The following ADCY5 variants were observed in gnomAD, a reference collection of about 807,000 sequenced individuals.
ADCY5 encodes the protein adenylate cyclase type 5.
In ADCY5, 30 loss-of-function variants were observed where a neutral mutation model predicts 119.7. The ratio of observed to expected loss-of-function variants is 0.25; its 90% CI spans 0.19 to 0.34. The LOEUF (loss-of-function observed/expected upper bound fraction) is 0.34, where lower values mean the gene tolerates loss of function less well. Among genes scored for constraint, ADCY5 ranks in the 10% least tolerant of loss-of-function variants. ADCY5 has a pLI of 1.00. For synonymous variants in ADCY5, 753 were observed against 762.2 expected, an observed-to-expected ratio of 0.99 and a Z score of 0.20; for missense variants, 1,324 against 1,775.2, an observed-to-expected ratio of 0.75 and a Z score of 4.57.
intron 3 of ADCY5, among the ~76,000 whole-genome samples, chr3:123,343,252 C>T (rs189987400): frequency 3.3e-5 from 5 of 152,328 alleles, no homozygotes; most frequent in Non-Finnish European, 7.4e-5. Context: ...CCATGTCACA[C>T]TGCCCGCCTG....
intron 3 of ADCY5, among the ~76,000 whole-genome samples, chr3:123,341,409 A>G (rs1403655608): frequency 6.6e-6 from 1 of 152,164 alleles, no homozygotes; most frequent in Non-Finnish European, 1.5e-5. Flanking sequence ...TTCCACATAC[A>G]TGAGCTACCT....
intron 10 of ADCY5, among the ~76,000 whole-genome samples, chr3:123,319,120 G>A (rs188568853): frequency 7.2e-5 from 11 of 152,282 alleles, no homozygotes; most frequent in Non-Finnish European, 1.2e-4. Flanking sequence ...TTGGGAGACC[G>A]AGGCGGGTGG....
chr3:123,333,239 CA>C (rs138556030), intron 3 of ADCY5, among the ~76,000 whole-genome samples: 1 of 152,240 alleles, frequency 6.6e-6, no homozygotes, highest in Non-Finnish European at 1.5e-5. Flanking sequence ...GTCAGCAACC[CA>C]AAAGAGGGCC....
chr3:123,368,116 G>C (rs1425658625), intron 1 of ADCY5: 21 of 1,296,096 alleles, frequency 1.6e-5, no homozygotes, highest in Non-Finnish European at 2.1e-5. Context: ...CCAGGGGCCA[G>C]TCTTGTGACT....
At chr3:123,396,323 G>A (rs992789093) in intron 1 of ADCY5, among the ~76,000 whole-genome samples, 11 of 136,176 alleles carry the variant, frequency 8.1e-5, no homozygotes, top group African/African-American at 1.6e-4. Context: ...GATGAAAAAG[G>A]AAAGGAAAAG....
At chr3:123,287,436 C>T (rs914839964) in intron 19 of ADCY5, among the ~76,000 whole-genome samples, 2 of 152,200 alleles carry the variant, frequency 1.3e-5, no homozygotes, top group African/African-American at 2.4e-5. Context: ...AAATCCTGCC[C>T]CCATGTATCT....
At chr3:123,400,254 G>A (rs554913130) in intron 1 of ADCY5, among the ~76,000 whole-genome samples, 84 of 152,266 alleles carry the variant, frequency 5.5e-4, no homozygotes, top group Middle Eastern at 3.4e-3. Flanking sequence ...CCTGGGCTTT[G>A]GTTTCCTCAT....
chr3:123,369,669 G>T (rs138213067), intron 1 of ADCY5, among the ~76,000 whole-genome samples: 127 of 152,352 alleles, frequency 8.3e-4, no homozygotes, highest in African/African-American at 2.9e-3. Context: ...CTCTTGGAAA[G>T]GCCTGGTGAA....
At chr3:123,373,322 C>T (rs370008505) in intron 1 of ADCY5, among the ~76,000 whole-genome samples, 1 of 152,220 alleles carries the variant, frequency 6.6e-6, no homozygotes. Context: ...AATCATCTAG[C>T]GCATTTAGAA....
intron 1 of ADCY5, among the ~76,000 whole-genome samples, chr3:123,407,880 AC>A (rs1283654650): frequency 6.6e-5 from 10 of 151,582 alleles, no homozygotes; most frequent in South Asian, 2.1e-4. Flanking sequence ...CATTAAGCAG[AC>A]TAGTGGTTGC....
intron 1 of ADCY5, among the ~76,000 whole-genome samples, chr3:123,402,476 G>C (rs577638758): frequency 5.2e-4 from 79 of 152,346 alleles, no homozygotes; most frequent in African/African-American, 1.9e-3. Context: ...AGGGGGCCCA[G>C]GAAGGCAAGC....
chr3:123,425,482 G>A (rs528011194), intron 1 of ADCY5, among the ~76,000 whole-genome samples: 3 of 152,350 alleles, frequency 2.0e-5, no homozygotes, highest in African/African-American at 7.2e-5. Flanking sequence ...TCCACTGCAT[G>A]TGTGCATGTC....
intron 20 of ADCY5, among the ~76,000 whole-genome samples, chr3:123,285,412 C>G (rs895685256): frequency 4.0e-5 from 6 of 151,848 alleles, no homozygotes; most frequent in Admixed American, 3.9e-4. Flanking sequence ...TTTCACTATC[C>G]CATTGCTGGG....
chr3:123,290,067 T>C (rs1939048427), intron 18 of ADCY5, 113 bp from the exon 19 acceptor site: 3 of 1,043,964 alleles, frequency 2.9e-6, no homozygotes, highest in Non-Finnish European at 4.3e-6. Context: ...ATGTGTCCGC[T>C]CTTCACACAG....
chr3:123,319,353 C>CAA (rs34573753), intron 10 of ADCY5, among the ~76,000 whole-genome samples: 8 of 118,436 alleles, frequency 6.8e-5, no homozygotes, highest in African/African-American at 2.2e-4. Context: ...AACTCCGTCT[C>CAA]AAAAAAAAAA....
At chr3:123,294,772 T>G (rs1308118236) in intron 17 of ADCY5, among the ~76,000 whole-genome samples, 1 of 151,552 alleles carries the variant, frequency 6.6e-6, no homozygotes, top group East Asian at 1.9e-4. Context: ...ATGGGGAGGG[T>G]GCGCAGGGAT....
intron 3 of ADCY5, among the ~76,000 whole-genome samples, chr3:123,340,588 A>G (rs1942231439): frequency 1.3e-5 from 2 of 151,948 alleles, no homozygotes; most frequent in Non-Finnish European, 2.9e-5. Flanking sequence ...GAGTCCAGAG[A>G]GCTAAAATAG....
At chr3:123,296,991 G>C (rs1238154670) in intron 16 of ADCY5, 2 of 1,536,016 alleles carry the variant, frequency 1.3e-6, no homozygotes, top group Non-Finnish European at 1.7e-6. Context: ...TTTGTTCCTT[G>C]ACTCCAGAGG....
At chr3:123,302,839 A>G (rs1401534234) in intron 14 of ADCY5, among the ~76,000 whole-genome samples, 4 of 152,172 alleles carry the variant, frequency 2.6e-5, no homozygotes, top group African/African-American at 9.7e-5. Context: ...CAACAGCTAC[A>G]CCGCTTTAAC....
Sources: allele counts gnomAD v4.1 joint callset (sites outside exome capture counted in the v4.1 genomes callset), GRCh38; gene constraint gnomAD v4.1.1; transcripts MANE v1.5; gene names NCBI Gene and HGNC (gene_info 2026-07-23, HGNC 2026-07-21).